The following ADGRV1 variants were observed in gnomAD, a reference collection of about 807,000 sequenced individuals.
ADGRV1 encodes the protein adhesion G protein-coupled receptor V1, also known as G-protein coupled receptor 98.
A neutral mutation model predicts 596.2 loss-of-function variants in ADGRV1; 359 were observed. The observed-to-expected ratio is 0.60, with a 90% CI of 0.55 to 0.66. The LOEUF (loss-of-function observed/expected upper bound fraction) is 0.66, where lower values mean the gene tolerates loss of function less well. Ranked by LOEUF, ADGRV1 falls within the 30% of genes least tolerant of loss-of-function variation. ADGRV1 has a pLI of 0.00. For missense variants in ADGRV1, 7,274 were observed against 7,575.6 expected, an observed-to-expected ratio of 0.96 and a Z score of 1.48; for synonymous variants, 2,681 against 2,679.2, an observed-to-expected ratio of 1.00 and a Z score of -0.02.
At chr5:90,570,566 T>A (rs549474070) in intron 1 of ADGRV1, among the ~76,000 whole-genome samples, 28 of 152,280 alleles carry the variant, frequency 1.8e-4, no homozygotes, top group African/African-American at 5.8e-4. Flanking sequence ...AGGTCTATGT[T>A]GGTATATTTT....
At position 90,729,753 on chromosome 5, in the gene ADGRV1, C is replaced by G; in HGVS notation, c.10538C>G (p.Ala3513Gly). ...AACAGAATCCACTCCTTCACACCAG[C>G]CTCAGGAATAGGTAAGGACTTTTCA... ...AVNRIHSFTP[A>G]SGIAHILLIG... The change falls in exon 50 of 90, where the codon GCC becomes GGC. Residue 3513 changes from alanine to glycine, a missense_variant. This residue lies in a region of ADGRV1 where 3,643 missense variants were observed against 3,809.2 expected (regional missense o/e 0.96). Coordinates refer to ENST00000405460, the MANE Select transcript of ADGRV1 (RefSeq NM_032119.4). The G allele has an allele frequency of 6.2e-7, 1 of 1,613,408 alleles. No individual in the cohort carries two copies. The highest frequency in any genetic ancestry group is 8.5e-7 in the Non-Finnish European group (1 of 1,179,542).
At chr5:91,143,091 C>A (rs1011031458) in intron 87 of ADGRV1, among the ~76,000 whole-genome samples, 1 of 152,186 alleles carries the variant, frequency 6.6e-6, no homozygotes, top group African/African-American at 2.4e-5. Flanking sequence ...CAGGCACTGG[C>A]TGTCTGTGAG....
chr5:90,835,869 AC>A (rs1764927205), intron 77 of ADGRV1, among the ~76,000 whole-genome samples: 1 of 152,226 alleles, frequency 6.6e-6, no homozygotes, highest in Non-Finnish European at 1.5e-5. Context: ...AGATCTTTAA[AC>A]AGAAAGGGAA....
chr5:90,604,715 A>G (rs1761854485), intron 1 of ADGRV1, among the ~76,000 whole-genome samples: 1 of 152,160 alleles, frequency 6.6e-6, no homozygotes, highest in Non-Finnish European at 1.5e-5. Context: ...TCTTAGTTAA[A>G]CATGTGATCC....
intron 89 of ADGRV1, among the ~76,000 whole-genome samples, chr5:91,158,886 T>C (rs1326865118): frequency 1.3e-5 from 2 of 151,966 alleles, no homozygotes; most frequent in African/African-American, 4.8e-5. Context: ...GATGGATGGA[T>C]GGATGGATGG....
In ADGRV1 at chr5:90,653,302, T is replaced by C; in HGVS notation, c.3728T>C (p.Ile1243Thr). ...AATGATGATCCCTTTGGAGTTTTTA[T>C]CTTGGATCCAGAGTGTTTAGAGAGA... Reference protein sequence around the residue: ...PFNDDPFGVFILDPECLEREV... With the variant: ...PFNDDPFGVFTLDPECLEREV... Residue 1243 changes from isoleucine to threonine, a missense_variant, in exon 20 of 90, where the codon ATC (isoleucine) becomes ACC (threonine). Coordinates refer to ENST00000405460, the MANE Select transcript of ADGRV1 (RefSeq NM_032119.4). 2 of 1,613,944 alleles carry C rather than the reference T, an allele frequency of 1.2e-6. No homozygotes were observed. Among genetic ancestry groups the C allele is most frequent in the Non-Finnish European group, 1.7e-6 (2 of 1,179,860 alleles).
At chr5:90,628,916 A>G in intron 8 of ADGRV1, 84 bp downstream of exon 8, 1 of 1,272,126 alleles carries the variant, frequency 7.9e-7, no homozygotes, top group Non-Finnish European at 1.1e-6. Context: ...CATCAACTTT[A>G]TGTTTAGTTT....
intron 29 of ADGRV1, 47 bp from the exon 30 acceptor site, chr5:90,689,814 T>C: frequency 7.5e-7 from 1 of 1,342,150 alleles, no homozygotes; most frequent in East Asian, 2.3e-5. Context: ...ATGGAATGTT[T>C]TGATCATATT....
chr5:90,878,541 TATGAA>T (rs1250059185), intron 83 of ADGRV1, among the ~76,000 whole-genome samples: 1 of 152,206 alleles, frequency 6.6e-6, no homozygotes, highest in Non-Finnish European at 1.5e-5. Context: ...TAGTCCTAAA[TATGAA>T]TTAAGATCTC....
At chr5:90,979,294 A>G (rs1779894175) in intron 84 of ADGRV1, among the ~76,000 whole-genome samples, 2 of 151,832 alleles carry the variant, frequency 1.3e-5, no homozygotes, top group South Asian at 4.2e-4. Flanking sequence ...TATCCTCCTG[A>G]GTAGCTGGGA....
At chr5:91,133,776 G>A (rs1277753646) in intron 87 of ADGRV1, among the ~76,000 whole-genome samples, 1 of 152,136 alleles carries the variant, frequency 6.6e-6, no homozygotes, top group Non-Finnish European at 1.5e-5. Flanking sequence ...ACTGCCATAA[G>A]TATGTTTTTA....
At chr5:90,996,540 T>C (rs1781433313) in intron 85 of ADGRV1, among the ~76,000 whole-genome samples, 1 of 152,172 alleles carries the variant, frequency 6.6e-6, no homozygotes, top group Non-Finnish European at 1.5e-5. Flanking sequence ...AGGACCCTCA[T>C]GGAGAACCTT....
At position 90,829,140 on chromosome 5, in the gene ADGRV1, G is replaced by T. The variant is rs1369698243; in HGVS notation, c.16565G>T (p.Arg5522Ile). 1.2e-6 allele frequency: 2 copies of T among 1,601,206 alleles called. No homozygotes were observed. The highest frequency in any genetic ancestry group is 2.7e-5 in the African/African-American group (2 of 74,768). ...ACTTTAATCAGTCTGCAGGTGGCCAGAGATTCTGGGACAGGACTAATGATG... is the reference window on the plus strand; with the variant it reads ...ACTTTAATCAGTCTGCAGGTGGCCATAGATTCTGGGACAGGACTAATGATG... The part of the protein sequence containing the change: ...KATLISLQVA[R>I]DSGTGLMMSV... Residue 5522 changes from arginine to isoleucine, a missense_variant, in exon 77 of 90, where the codon AGA becomes ATA. By Grantham distance (97) the Arg-to-Ile change is moderately conservative. Around this residue, in one of 5 missense-constraint regions of ADGRV1, gnomAD observed 1,874 missense variants for 1,970.2 expected, o/e 0.95. Transcript: ENST00000405460.
In ADGRV1 at chr5:90,642,669, A is replaced by G. The variant is rs778004715; in HGVS notation, c.2274A>G (p.Gly758=). 6.2e-7 allele frequency: 1 copy of G among 1,613,504 alleles called. No individual in the cohort carries two copies. Among genetic ancestry groups the G allele is most frequent in the South Asian group, 1.1e-5 (1 of 91,030 alleles). ...TGGAAAACCAAGTGCTGAAATCTGG[A>G]TATACTAGCCGTGACCTAATTATTT... The part of the protein sequence containing the change: ...VNVENQVLKS[G]YTSRDLIILE... The change falls in exon 12 of 90, where the codon GGA becomes GGG. Residue 758 remains glycine, a synonymous_variant. Coordinates refer to ENST00000405460, the MANE Select transcript of ADGRV1 (RefSeq NM_032119.4).
intron 1 of ADGRV1, among the ~76,000 whole-genome samples, chr5:90,590,440 A>G (rs896155630): frequency 6.6e-6 from 1 of 152,198 alleles, no homozygotes. Context: ...GTCTCTTTCC[A>G]TATAGCCATT....
At chr5:91,086,230 A>G (rs944675240) in intron 86 of ADGRV1, among the ~76,000 whole-genome samples, 3 of 152,212 alleles carry the variant, frequency 2.0e-5, no homozygotes, top group Non-Finnish European at 2.9e-5. Context: ...AGATCTATCA[A>G]CTTGAGCCTA....
chr5:91,004,722 G>C (rs1229919375), intron 85 of ADGRV1, among the ~76,000 whole-genome samples: 1 of 152,120 alleles, frequency 6.6e-6, no homozygotes, highest in African/African-American at 2.4e-5. Context: ...GAATTCTAAA[G>C]CTAAAGAGAA....
rs61999270 is a variant in ADGRV1 at position 90,791,052 on chromosome 5, C to T, written c.14223C>T (p.Ala4741=). The T allele has an allele frequency of 3.1e-4, 494 of 1,613,842 alleles. 4 individuals are homozygous for T. The African/African-American group carries it at 4.4e-3, about 14-fold the overall frequency. Residue 4741 remains alanine (A), a synonymous_variant, in exon 70 of 90, where the codon GCC becomes GCT. Transcript: ENST00000405460. ...AGCTTGTTTCTGTAGAGGGAGGAGC[C>T]GAACTGGATCTGGAGAAGAGTATCA... ...VIQLVSVEGG[A]ELDLEKSITW...
chr5:90,625,081 C>A, intron 5 of ADGRV1, 49 bp from the exon 6 acceptor site: 1 of 1,072,642 alleles, frequency 9.3e-7, no homozygotes, highest in Non-Finnish European at 1.4e-6. Flanking sequence ...CTTTCTCAGT[C>A]TTGTGAAGTA....
Sources: allele counts gnomAD v4.1 joint callset (sites outside exome capture counted in the v4.1 genomes callset), GRCh38; gene constraint gnomAD v4.1.1; regional missense constraint gnomAD v4.1.1; transcripts MANE v1.5; gene names NCBI Gene and HGNC (gene_info 2026-07-23, HGNC 2026-07-21).